The following MACROD2 variants were observed in gnomAD, a reference collection of about 807,000 sequenced individuals.
The protein encoded by MACROD2 is mono-ADP ribosylhydrolase 2, also known as ADP-ribose glycohydrolase MACROD2.
A neutral mutation model predicts 70.4 loss-of-function variants in MACROD2; 36 were observed. That is an observed-to-expected ratio of 0.51 (90% CI 0.39 to 0.68). MACROD2 has a LOEUF of 0.68. Among genes scored for constraint, MACROD2 ranks in the 30% least tolerant of loss-of-function variants. The probability of loss-of-function intolerance (pLI) is 0.00; values close to 1 mark genes in which losing one functional copy is unlikely to be tolerated. For missense variants in MACROD2, 496 were observed against 538.4 expected (o/e 0.92, Z 0.78); for synonymous variants, 172 against 178.8 (o/e 0.96, Z 0.30).
intron 13 of MACROD2, among the ~76,000 whole-genome samples, chr20:15,980,239 C>G (rs1261972207): frequency 3.3e-5 from 5 of 152,148 alleles, no homozygotes; most frequent in African/African-American, 7.2e-5. Context: ...TGGTTTCGGG[C>G]CTGGTGCAGG....
At chr20:15,252,365 A>G (rs781540196) in intron 6 of MACROD2, among the ~76,000 whole-genome samples, 11 of 152,212 alleles carry the variant, frequency 7.2e-5, no homozygotes, top group Non-Finnish European at 1.2e-4. Context: ...TGCAGCTTAC[A>G]GCCACAAAGA....
chr20:15,523,894 T>C (rs1330285122), intron 8 of MACROD2, among the ~76,000 whole-genome samples: 1 of 152,178 alleles, frequency 6.6e-6, no homozygotes, highest in African/African-American at 2.4e-5. Flanking sequence ...TGCCAGGCCT[T>C]ATTCCAGGTC....
intron 8 of MACROD2, among the ~76,000 whole-genome samples, chr20:15,508,617 G>A (rs1343339332): frequency 2.0e-5 from 3 of 152,206 alleles, no homozygotes; most frequent in Admixed American, 1.3e-4. Flanking sequence ...ATACTTTCAT[G>A]TTCTACTATA....
intron 8 of MACROD2, among the ~76,000 whole-genome samples, chr20:15,561,907 A>T (rs1329929958): frequency 6.6e-6 from 1 of 152,070 alleles, no homozygotes; most frequent in African/African-American, 2.4e-5. Flanking sequence ...AGTAGATCTC[A>T]ACAATTATGC....
chr20:14,299,920 A>AGACTCCT (rs61451113), intron 3 of MACROD2, among the ~76,000 whole-genome samples: 2,615 of 152,264 alleles, frequency 0.017, 70 homozygotes, highest in African/African-American at 0.058. Flanking sequence ...TTTCTGTGTT[A>AGACTCCT]GACTCCTGTA....
At chr20:15,025,568 A>G (rs1246659277) in intron 5 of MACROD2, among the ~76,000 whole-genome samples, 1 of 98,318 alleles carries the variant, frequency 1.0e-5, no homozygotes, top group Non-Finnish European at 2.3e-5. Flanking sequence ...ACACCAGCCA[A>G]TAGATCTACA....
chr20:14,073,032 T>C (rs1402776376), intron 2 of MACROD2, among the ~76,000 whole-genome samples: 5 of 152,088 alleles, frequency 3.3e-5, no homozygotes, highest in African/African-American at 4.8e-5. Flanking sequence ...GGGAAATGTT[T>C]TTTATAAAGA....
intron 4 of MACROD2, among the ~76,000 whole-genome samples, chr20:14,580,138 C>T (rs1600410653): frequency 6.6e-6 from 1 of 152,038 alleles, no homozygotes; most frequent in Non-Finnish European, 1.5e-5. Flanking sequence ...CATCTAAGTA[C>T]AAATAGTCTA....
At chr20:15,260,646 G>T (rs1190650154) in intron 6 of MACROD2, among the ~76,000 whole-genome samples, 1 of 151,792 alleles carries the variant, frequency 6.6e-6, no homozygotes, top group African/African-American at 2.4e-5. Flanking sequence ...GGATTGTTGG[G>T]TCATATGGTA....
chr20:15,663,100 G>A (rs1225394642), intron 8 of MACROD2, among the ~76,000 whole-genome samples: 2 of 152,106 alleles, frequency 1.3e-5, no homozygotes, highest in Non-Finnish European at 2.9e-5. Context: ...CCAAACTGGT[G>A]AGCTCATGTT....
rs76181790 is a variant in MACROD2 at position 15,594,986 on chromosome 20, T to G, written c.645+95139T>G. 1.0e-2 allele frequency among the ~76,000 whole-genome samples: 1,517 copies of G among 152,324 alleles called. 20 individuals are homozygous for G. The highest frequency in any genetic ancestry group is 0.063 in the East Asian group (325 of 5,190). ...TTCTTAGTGTTTTCTTTGTTTCGTG[T>G]TTCCAAACATTACTTCATTGTCTTT... On this transcript the variant is annotated intron_variant, in intron 8 of 17. Transcript: ENST00000684519.
At chr20:14,735,871 TA>T (rs2071658096) in intron 5 of MACROD2, among the ~76,000 whole-genome samples, 1 of 151,852 alleles carries the variant, frequency 6.6e-6, no homozygotes, top group Admixed American at 6.6e-5. Flanking sequence ...TAAATAACAA[TA>T]AATAAATAAA....
chr20:15,775,018 G>A (rs1178040055), intron 8 of MACROD2, among the ~76,000 whole-genome samples: 1 of 152,104 alleles, frequency 6.6e-6, no homozygotes, highest in Non-Finnish European at 1.5e-5. Context: ...GTTGCAGCTT[G>A]CAGGGTGGCC....
intron 4 of MACROD2, among the ~76,000 whole-genome samples, chr20:14,499,037 G>C (rs1171047937): frequency 6.6e-6 from 1 of 152,304 alleles, no homozygotes; most frequent in Non-Finnish European, 1.5e-5. Flanking sequence ...GTCAAGCATG[G>C]CTAGTAGTGA....
chr20:15,634,565 T>C (rs2049336576), intron 8 of MACROD2, among the ~76,000 whole-genome samples: 1 of 152,192 alleles, frequency 6.6e-6, no homozygotes, highest in African/African-American at 2.4e-5. Flanking sequence ...TGTTATAGGC[T>C]GCAGTACCAG....
At chr20:14,869,739 G>T (rs1163051811) in intron 5 of MACROD2, among the ~76,000 whole-genome samples, 5 of 152,092 alleles carry the variant, frequency 3.3e-5, no homozygotes, top group African/African-American at 9.7e-5. Context: ...AGTAGTATCT[G>T]CCATTTGCAT....
At chr20:15,707,298 C>T (rs1441242018) in intron 8 of MACROD2, among the ~76,000 whole-genome samples, 1 of 152,182 alleles carries the variant, frequency 6.6e-6, no homozygotes, top group Non-Finnish European at 1.5e-5. Context: ...AGATATGTAA[C>T]TAAAGTCCTG....
intron 5 of MACROD2, among the ~76,000 whole-genome samples, chr20:14,917,777 T>A (rs74579892): frequency 0.013 from 1,907 of 152,198 alleles, 26 homozygotes; most frequent in Admixed American, 0.018. Context: ...CTAAAAAAGA[T>A]AAGGGCTGGT....
chr20:15,098,505 C>A (rs887583025), intron 5 of MACROD2, among the ~76,000 whole-genome samples: 4 of 152,224 alleles, frequency 2.6e-5, no homozygotes, highest in Admixed American at 2.6e-4. Context: ...TGACTTCAGG[C>A]ACACGTAATG....
Sources: gnomAD v4.1 joint callset for allele counts (sites outside exome capture counted in the v4.1 genomes callset) on GRCh38, gnomAD v4.1.1 for gene constraint, MANE v1.5 for transcripts, NCBI Gene and HGNC (gene_info 2026-07-23, HGNC 2026-07-21) for gene names.